Variants in DDX4 observed in about 807,000 individuals in gnomAD.
DDX4 encodes the protein DEAD-box helicase 4.
DDX4 carries 25 observed loss-of-function variants against 100.0 expected under a neutral mutation model. The observed-to-expected ratio is 0.25, with a 90% CI of 0.18 to 0.35. The LOEUF is 0.35. Ranked by LOEUF, DDX4 falls within the 10% of genes least tolerant of loss-of-function variation. The pLI is 1.00. For missense variants in DDX4, 635 were observed against 882.4 expected (o/e 0.72, Z 3.55); for synonymous variants, 259 against 275.7 (o/e 0.94, Z 0.60).
intron 17 of DDX4, among the ~76,000 whole-genome samples, chr5:55,793,065 T>TTTGTGTG (rs1554079827): frequency 1.4e-4 from 21 of 149,078 alleles, no homozygotes; most frequent in African/African-American, 5.2e-4. Flanking sequence ...TTTGTGTGTG[T>TTTGTGTG]TGTTGTTGTT....
At chr5:55,808,111 G>A (rs966373309) in intron 18 of DDX4, among the ~76,000 whole-genome samples, 19 of 152,000 alleles carry the variant, frequency 1.3e-4, no homozygotes, top group Admixed American at 7.2e-4. Flanking sequence ...TGATTGAATC[G>A]GCTACTGAGG....
At chr5:55,765,412 AAAT>A (rs1318816695) in intron 6 of DDX4, among the ~76,000 whole-genome samples, 142 of 117,084 alleles carry the variant, frequency 1.2e-3, no homozygotes, top group Non-Finnish European at 1.9e-3. Flanking sequence ...AAAAAAAAAA[AAAT>A]ATATATATAT....
intron 3 of DDX4, among the ~76,000 whole-genome samples, chr5:55,748,871 T>G (rs1184416837): frequency 6.6e-6 from 1 of 152,230 alleles, no homozygotes. Flanking sequence ...CATAATATAT[T>G]AATACATATG....
chr5:55,800,586 A>G (rs1433528658), intron 18 of DDX4, among the ~76,000 whole-genome samples: 2 of 152,108 alleles, frequency 1.3e-5, no homozygotes, highest in Non-Finnish European at 2.9e-5. Context: ...GGCCTCCCAA[A>G]GTGCTGGGAT....
At chr5:55,761,854 C>G (rs1350691669) in intron 4 of DDX4, among the ~76,000 whole-genome samples, 1 of 152,166 alleles carries the variant, frequency 6.6e-6, no homozygotes, top group African/African-American at 2.4e-5. Context: ...AGGTGATCCA[C>G]CTGCCTCGGC....
intron 18 of DDX4, among the ~76,000 whole-genome samples, chr5:55,800,683 G>T (rs1743242823): frequency 6.6e-6 from 1 of 152,104 alleles, no homozygotes. Flanking sequence ...AATCCAAAAG[G>T]AGAGAGTTTT....
At chr5:55,744,691 A>T (rs1561478309) in intron 2 of DDX4, among the ~76,000 whole-genome samples, 1 of 152,176 alleles carries the variant, frequency 6.6e-6, no homozygotes, top group Non-Finnish European at 1.5e-5. Context: ...GTGAACAGTT[A>T]GTATTTGGGA....
In DDX4 at chr5:55,785,679, T is replaced by A. The variant is rs1742198595; in HGVS notation, c.722-50T>A. 2.0e-6 allele frequency: 3 copies of A among 1,516,886 alleles called. No individual in the cohort carries two copies. The African/African-American group carries it at 4.2e-5, about 21-fold the overall frequency. The allele number at this position is 1,516,886 out of a possible 1,614,324, so 94.0% of individuals were successfully genotyped here. On this transcript the variant is annotated intron_variant, in intron 12 of 21. Coordinates refer to ENST00000505374, the MANE Select transcript of DDX4 (RefSeq NM_024415.3). ...AATTTTTGTCTATTTTCTCTTATATTTTCTTGTAGTCTCTGTAACGTACAT... is the reference window on the plus strand; with the variant it reads ...AATTTTTGTCTATTTTCTCTTATATATTCTTGTAGTCTCTGTAACGTACAT...
intron 14 of DDX4, 98 bp from the exon 15 acceptor site, chr5:55,787,747 GA>G: frequency 7.8e-7 from 1 of 1,277,062 alleles, no homozygotes; most frequent in African/African-American, 1.5e-5. Flanking sequence ...CAGTAAGATG[GA>G]AGTAGAGTCT....
At chr5:55,801,895 G>A (rs141958313) in intron 18 of DDX4, among the ~76,000 whole-genome samples, 1 of 152,272 alleles carries the variant, frequency 6.6e-6, no homozygotes, top group Non-Finnish European at 1.5e-5. Flanking sequence ...ATAAATTGGA[G>A]TGAATCTCAC....
At chr5:55,806,474 T>C (rs149768957) in intron 18 of DDX4, among the ~76,000 whole-genome samples, 7,891 of 152,280 alleles carry the variant, frequency 0.052, 303 homozygotes, top group Non-Finnish European at 0.079. Context: ...TGCTGTAAAT[T>C]TCCCTCTACA....
intron 7 of DDX4, among the ~76,000 whole-genome samples, chr5:55,775,600 T>C (rs1171903128): frequency 1.3e-5 from 2 of 152,210 alleles, no homozygotes; most frequent in African/African-American, 2.4e-5. Context: ...CATTTTAGTG[T>C]TTTCATTTTA....
chr5:55,816,704 A>T lies in DDX4; in HGVS notation c.*164A>T. On this transcript the variant is annotated 3_prime_UTR_variant, in exon 22 of 22. Transcript: ENST00000505374. ...AATCCTTACTGACTAGTTATGTGAG[A>T]TGCTAAAACTTACAACATTGCAGTT... 1 of 1,223,454 alleles carries T rather than the reference A, an allele frequency of 8.2e-7. No homozygotes were observed. The highest frequency in any genetic ancestry group is 1.5e-5 in the African/African-American group (1 of 65,362). The allele number at this position is 1,223,454 out of a possible 1,614,324, so 75.8% of individuals were successfully genotyped here. A position where few individuals can be genotyped will look rare whatever the true frequency, so the allele number is the denominator to read the frequency against.
At chr5:55,776,858 G>A (rs188669340) in intron 7 of DDX4, among the ~76,000 whole-genome samples, 3 of 152,302 alleles carry the variant, frequency 2.0e-5, no homozygotes, top group Admixed American at 2.0e-4. Context: ...AAACATATTG[G>A]TAAACTTAAA....
intron 17 of DDX4, among the ~76,000 whole-genome samples, chr5:55,793,065 T>TGTGTGTGTG (rs1160621818): frequency 6.7e-6 from 1 of 149,082 alleles, no homozygotes; most frequent in Admixed American, 6.8e-5. Flanking sequence ...TTTGTGTGTG[T>TGTGTGTGTG]TGTTGTTGTT....
intron 16 of DDX4, 30 bp downstream of exon 16, chr5:55,790,735 AGATT>A: frequency 6.2e-7 from 1 of 1,603,654 alleles, no homozygotes; most frequent in South Asian, 1.1e-5. Context: ...TGAAGTTGTG[AGATT>A]GATACTTTTT....
chr5:55,785,682 C>G (rs1458432726), intron 12 of DDX4, 47 bp from the exon 13 acceptor site: 4 of 1,529,068 alleles, frequency 2.6e-6, no homozygotes, highest in African/African-American at 1.4e-5. Flanking sequence ...CTTATATTTT[C>G]TTGTAGTCTC....
At chr5:55,790,797 G>A (rs533201538) in intron 16 of DDX4, 92 bp downstream of exon 16, 382 of 1,103,598 alleles carry the variant, frequency 3.5e-4, no homozygotes, top group Admixed American at 1.0e-3. Flanking sequence ...GATGTATTTA[G>A]TAGAGCACTA....
chr5:55,763,752 A>G (rs979393615), intron 5 of DDX4, among the ~76,000 whole-genome samples: 3 of 152,134 alleles, frequency 2.0e-5, no homozygotes, highest in Non-Finnish European at 2.9e-5. Flanking sequence ...TGTTTTGCCC[A>G]TGTGCATACA....
Sources: gnomAD v4.1 joint callset for allele counts (sites outside exome capture counted in the v4.1 genomes callset) on GRCh38, gnomAD v4.1.1 for gene constraint, MANE v1.5 for transcripts, NCBI Gene and HGNC (gene_info 2026-07-23, HGNC 2026-07-21) for gene names.